The following C4orf54 variants were observed in gnomAD, a reference collection of about 807,000 sequenced individuals.
C4orf54 encodes chromosome 4 open reading frame 54.
Under a neutral mutation model 80.1 loss-of-function variants are expected in C4orf54, and 67 were observed. The observed-to-expected ratio is 0.84, with a 90% CI of 0.69 to 1.03. The LOEUF (loss-of-function observed/expected upper bound fraction) is 1.03. C4orf54 is among the 50% of genes least tolerant of loss of function. The pLI is 0.00. For synonymous variants in C4orf54, 1,000 were observed against 917.0 expected (o/e 1.09, Z -1.64); for missense variants, 2,434 against 2,253.5 (o/e 1.08, Z -1.62).
chr4:99,651,046 C>G lies in C4orf54; in HGVS notation c.3603G>C (p.Leu1201=). The G allele has an allele frequency of 6.5e-7, 1 of 1,536,110 alleles. No homozygotes were observed. ...TATTGGGGGCAATGGTAGCCACAGG[C>G]AGCCTGCCAGATGCCCTGTGAACCA... ...TVLVHRASGR[L]PVATIAPNKP... Residue 1201 remains leucine, a synonymous_variant, in exon 2 of 3, where the codon CTG becomes CTC. Coordinates refer to ENST00000511828, the MANE Select transcript of C4orf54 (RefSeq NM_001354435.2).
At position 99,649,343 on chromosome 4, in the gene C4orf54, TG is replaced by T; in HGVS notation, c.5305del (p.Gln1769SerfsTer18). ...HGKPVISITS[Q>X]PLGPRIIAPP... Reference sequence around the variant, plus strand: ...AGCAATGATCCGTGGCCCCAGGGGCTGCGAAGTAATGCTGATGACAGGCTTG... The same window carrying T: ...AGCAATGATCCGTGGCCCCAGGGGCTCGAAGTAATGCTGATGACAGGCTTG... On this transcript the variant is annotated frameshift_variant, in exon 2 of 3. Coordinates refer to ENST00000511828, the MANE Select transcript of C4orf54 (RefSeq NM_001354435.2). LOFTEE classifies it low-confidence loss of function (END_TRUNC). 1.3e-6 allele frequency: 2 copies of T among 1,536,054 alleles called. No homozygotes were observed. The highest frequency in any genetic ancestry group is 8.7e-7 in the Non-Finnish European group (1 of 1,146,884).
At chr4:99,643,779 CACACACACACACA>C (rs1578268082) in intron 2 of C4orf54, among the ~76,000 whole-genome samples, 3 of 143,596 alleles carry the variant, frequency 2.1e-5, no homozygotes, top group South Asian at 2.3e-4. Flanking sequence ...CACACACACA[CACACACACACACA>C]CCCCCTCCGC....
chr4:99,649,203 C>T, intron 2 of C4orf54, 28 bp downstream of exon 2: 1 of 1,446,934 alleles, frequency 6.9e-7, no homozygotes, highest in Non-Finnish European at 9.1e-7. Flanking sequence ...CTCTCTTAAA[C>T]CTGATTATCA....
intron 2 of C4orf54, among the ~76,000 whole-genome samples, chr4:99,646,728 T>A (rs181715351): frequency 4.6e-5 from 7 of 152,350 alleles, no homozygotes; most frequent in Admixed American, 3.3e-4. Context: ...AAAGAGGACA[T>A]AAACCTACCC....
intron 2 of C4orf54, among the ~76,000 whole-genome samples, chr4:99,644,504 A>G (rs896736693): frequency 1.3e-5 from 2 of 152,186 alleles, no homozygotes; most frequent in Non-Finnish European, 2.9e-5. Flanking sequence ...CTACCAAGTT[A>G]GTGGGGAAAA....
rs1233919505 is a variant in C4orf54, at chr4:99,652,910, G to T, written c.1739C>A (p.Ala580Glu). 6.5e-7 allele frequency: 1 copy of T among 1,536,166 alleles called. No homozygotes were observed. Among genetic ancestry groups the T allele is most frequent in the Admixed American group, 2.0e-5 (1 of 51,008 alleles). Reference protein sequence around the residue: ...NPAAAVAQDHAKKFIAVPARL... With the variant: ...NPAAAVAQDHEKKFIAVPARL... The stretch of plus-strand genomic sequence containing the variant: ...AGCAGGTACAGCAATGAATTTCTTT[G>T]CATGGTCCTGAGCCACTGCTGCAGC... Residue 580 changes from alanine (A) to glutamate (E), a missense_variant, in exon 2 of 3, where the codon GCA (alanine) becomes GAA (glutamate). Ala to Glu is a moderately radical substitution (Grantham distance 107, BLOSUM62 -1). Transcript: ENST00000511828.
Position 99,651,261 on chromosome 4 carries a change from G to A in C4orf54, c.3388C>T (p.Leu1130=). Residue 1130 remains leucine (L), a synonymous_variant, in exon 2 of 3, where the codon CTG becomes TTG. Transcript: ENST00000511828. ...AGCTGCCTGGGTTTGGGTCCAGTCA[G>A]CCCCTGCTCTGGGGTAACACTGCCC... ...DKGSVTPEQG[L]TGPKPRQLSA... is the part of the protein sequence containing the mutation. 6.5e-7 allele frequency: 1 copy of A among 1,536,140 alleles called. No homozygotes were observed. Among genetic ancestry groups the A allele is most frequent in the Non-Finnish European group, 8.7e-7 (1 of 1,146,912 alleles).
chr4:99,643,053 C>T (rs1193607796), intron 2 of C4orf54, among the ~76,000 whole-genome samples: 2 of 152,164 alleles, frequency 1.3e-5, no homozygotes, highest in Non-Finnish European at 2.9e-5. Context: ...CAATCCTGGG[C>T]ACAGGTCCAT....
At position 99,652,520 on chromosome 4, in the gene C4orf54, T is replaced by C. The variant is rs1191856522; in HGVS notation, c.2129A>G (p.Lys710Arg). The C allele has an allele frequency of 6.5e-7, 1 of 1,536,048 alleles. No homozygotes were observed. Among genetic ancestry groups the C allele is most frequent in the Non-Finnish European group, 8.7e-7 (1 of 1,146,888 alleles). ...CTCCAAGGCCTTGGTCTGAGACTTC[T>C]TGGACTGGATGTAGAGCTGGTCGGC... Reference protein sequence around the residue: ...ATADQLYIQSKKSQTKALEFV... With the variant: ...ATADQLYIQSRKSQTKALEFV... Residue 710 changes from lysine (K) to arginine (R), a missense_variant, in exon 2 of 3, where the codon AAG becomes AGG. Lys to Arg is a conservative substitution (Grantham distance 26). Coordinates refer to ENST00000511828, the MANE Select transcript of C4orf54 (RefSeq NM_001354435.2).
In C4orf54 at chr4:99,651,558, T is replaced by C. The variant is rs1223420083; in HGVS notation, c.3091A>G (p.Ile1031Val). 3.9e-6 allele frequency: 6 copies of C among 1,536,010 alleles called. No individual in the cohort carries two copies. Among genetic ancestry groups the C allele is most frequent in the Non-Finnish European group, 5.2e-6 (6 of 1,146,906 alleles). Residue 1031 changes from isoleucine (I) to valine (V), a missense_variant, in exon 2 of 3, where the codon ATC becomes GTC. Physicochemically the swap from Ile to Val is conservative, Grantham distance 29 (BLOSUM62 3). Transcript: ENST00000511828. ...GGCTGCTGCACACTCCCCAGCCGGA[T>C]CTTGATTTCGGGAGCCTTGGGTCTG... ...VIRPKAPEIKIRLGSVQQPSS... is the reference protein window; with the variant it reads ...VIRPKAPEIKVRLGSVQQPSS...
In C4orf54 at chr4:99,653,857, G is replaced by T; in HGVS notation, c.792C>A (p.Gly264=). Residue 264 remains glycine, a synonymous_variant, in exon 2 of 3, where the codon GGC becomes GGA. Coordinates refer to ENST00000511828, the MANE Select transcript of C4orf54 (RefSeq NM_001354435.2). ...RSQHSASEEG[G]NFSSSSSSSP... ...AGGAGGATGAGGAAGATGAGAAATT[G>T]CCACCCTCTTCAGAGGCAGAGTGCT... 1 of 1,536,220 alleles carries T rather than the reference G, an allele frequency of 6.5e-7. No individual in the cohort carries two copies. The highest frequency in any genetic ancestry group is 8.7e-7 in the Non-Finnish European group (1 of 1,146,898).
rs756404170 is a variant in C4orf54 at position 99,652,002 on chromosome 4, C to G, written c.2647G>C (p.Asp883His). 6 of 1,536,142 alleles carry G rather than the reference C, an allele frequency of 3.9e-6. No homozygotes were observed. Among genetic ancestry groups the G allele is most frequent in the Middle Eastern group, 1.7e-4 (1 of 5,982 alleles). The change falls in exon 2 of 3, where the codon GAC becomes CAC. Residue 883 changes from aspartate (D) to histidine (H), a missense_variant. By Grantham distance (81) the Asp-to-His change is moderately conservative (BLOSUM62 -1). Transcript: ENST00000511828. ...GCCACGGACCCCTCCCCGCCCGCGT[C>G]GGACATGCTGACCACTGTGTACTCG... ...GSEYTVVSMS[D>H]AGGEGSVAGS...
Position 99,650,539 on chromosome 4 carries a change from G to C in C4orf54, c.4110C>G (p.Leu1370=). 6.5e-7 allele frequency: 1 copy of C among 1,536,104 alleles called. No homozygotes were observed. Among genetic ancestry groups the C allele is most frequent in the Non-Finnish European group, 8.7e-7 (1 of 1,146,914 alleles). Residue 1370 remains leucine, a synonymous_variant, in exon 2 of 3, where the codon CTC becomes CTG. Coordinates refer to ENST00000511828, the MANE Select transcript of C4orf54 (RefSeq NM_001354435.2). ...CATCCTTGTGGACTGGGGGAATATA[G>C]AGAGATCGGGGTCTTTCCCTGGCCA... ...ENLARERPRS[L]YIPPVHKDVE...
Position 99,638,224 on chromosome 4 carries a change from T to C in C4orf54, c.*3009A>G, listed in dbSNP as rs1378332214. On this transcript the variant is annotated 3_prime_UTR_variant, in exon 3 of 3. Transcript: ENST00000511828. ...ATTTACTCCCTGATAAATGGACATA[T>C]AGAGAGCCTCTCTGCTATGTCATTA... 2.6e-5 allele frequency: 4 copies of C among 152,288 alleles called. No individual in the cohort carries two copies. The highest frequency in any genetic ancestry group is 9.6e-5 in the African/African-American group (4 of 41,576). 9.4% of individuals were successfully genotyped at this position (152,288 alleles called of 1,614,324 possible).
Position 99,653,529 on chromosome 4 carries a change from G to A in C4orf54, c.1120C>T (p.Gln374Ter), listed in dbSNP as rs1219034343. The A allele has an allele frequency of 1.3e-6, 2 of 1,536,122 alleles. No homozygotes were observed. Among genetic ancestry groups the A allele is most frequent in the Non-Finnish European group, 1.7e-6 (2 of 1,146,902 alleles). Residue 374 changes from glutamine (Q) to a stop codon, truncating the protein, a stop_gained, in exon 2 of 3, where the codon CAG (glutamine) becomes TAG (stop). Coordinates refer to ENST00000511828, the MANE Select transcript of C4orf54 (RefSeq NM_001354435.2). LOFTEE classifies it high-confidence loss of function. ...ATGTCCTGTTCCACCTCACTCAGCT[G>A]GATCTCATGGGTGGTGATGTAGTGA... ...EAHYITTHEI[Q>*]LSEVEQDMDF... is the part of the protein sequence containing the mutation.
In C4orf54 at chr4:99,653,814, C is replaced by T. The variant is rs1182623913; in HGVS notation, c.835G>A (p.Glu279Lys). The T allele has an allele frequency of 1.3e-6, 2 of 1,536,186 alleles. No individual in the cohort carries two copies. The highest frequency in any genetic ancestry group is 2.4e-5 in the East Asian group (1 of 40,900). ...SSSSSPMNKA[E>K]EDGLSKMEDS... is the part of the protein sequence containing the mutation. ...TCCATTTTGGAAAGGCCATCCTCTT[C>T]TGCTTTGTTCATCGGGGAGGAGGAT... The change falls in exon 2 of 3, where the codon GAA (glutamate) becomes AAA (lysine). Residue 279 changes from glutamate to lysine, a missense_variant. Glu to Lys is a moderately conservative substitution (Grantham distance 56, BLOSUM62 1). Coordinates refer to ENST00000511828, the MANE Select transcript of C4orf54 (RefSeq NM_001354435.2).
chr4:99,643,519 G>A (rs79121650), intron 2 of C4orf54, among the ~76,000 whole-genome samples: 3,499 of 152,108 alleles, frequency 0.023, 106 homozygotes, highest in Middle Eastern at 0.1. Flanking sequence ...ACATTCTTCT[G>A]CTTTACATAA....
At chr4:99,647,027 C>A (rs1726711443) in intron 2 of C4orf54, among the ~76,000 whole-genome samples, 1 of 152,170 alleles carries the variant, frequency 6.6e-6, no homozygotes, top group Non-Finnish European at 1.5e-5. Flanking sequence ...AGCTGCCAGC[C>A]AGATTTGGCC....
At chr4:99,656,373 G>A (rs566623928) in intron 1 of C4orf54, among the ~76,000 whole-genome samples, 2 of 151,588 alleles carry the variant, frequency 1.3e-5, no homozygotes, top group African/African-American at 2.4e-5. Context: ...TCTGCCTCTC[G>A]GGTTCAAGCA....
Sources: allele counts gnomAD v4.1 joint callset (sites outside exome capture counted in the v4.1 genomes callset), GRCh38; gene constraint gnomAD v4.1.1; transcripts MANE v1.5; gene names NCBI Gene and HGNC (gene_info 2026-07-23, HGNC 2026-07-21).